The following CTNNA2 variants were observed in gnomAD, a reference collection of about 807,000 sequenced individuals.
CTNNA2 encodes catenin alpha-2.
CTNNA2 carries 42 observed loss-of-function variants against 101.0 expected under a neutral mutation model. The observed-to-expected ratio is 0.42, with a 90% CI of 0.32 to 0.54. The LOEUF is 0.54. CTNNA2 is among the 20% of genes least tolerant of loss of function. CTNNA2 has a pLI of 0.14. For missense variants in CTNNA2, 871 were observed against 1,223.1 expected (o/e 0.71, Z 4.29); for synonymous variants, 450 against 456.4 (o/e 0.99, Z 0.18).
chr2:80,561,909 C>G (rs1477507192), intron 12 of CTNNA2, among the ~76,000 whole-genome samples: 1 of 150,826 alleles, frequency 6.6e-6, no homozygotes, highest in East Asian at 2.0e-4. Flanking sequence ...CCCCTGACCT[C>G]AGGTAATCTG....
intron 12 of CTNNA2, among the ~76,000 whole-genome samples, chr2:80,570,515 A>G (rs1558599238): frequency 6.6e-6 from 1 of 152,166 alleles, no homozygotes; most frequent in Non-Finnish European, 1.5e-5. Context: ...TAGGGGTCAG[A>G]CCCAGAAAAA....
chr2:80,060,460 C>A (rs903640039), intron 7 of CTNNA2, among the ~76,000 whole-genome samples: 1 of 152,190 alleles, frequency 6.6e-6, no homozygotes, highest in African/African-American at 2.4e-5. Context: ...CCTTCTGGTG[C>A]AAACAGGGCA....
At chr2:79,784,786 G>A (rs1357479334) in intron 3 of CTNNA2, among the ~76,000 whole-genome samples, 1 of 151,104 alleles carries the variant, frequency 6.6e-6, no homozygotes, top group Admixed American at 6.6e-5. Flanking sequence ...ATAAAAACAT[G>A]GATGAATCTC....
intron 7 of CTNNA2, among the ~76,000 whole-genome samples, chr2:80,032,377 T>A (rs776695186): frequency 2.4e-4 from 36 of 152,188 alleles, no homozygotes; most frequent in Non-Finnish European, 4.7e-4. Context: ...ATACTGTTGA[T>A]GAGGTGGGAT....
chr2:80,104,588 T>C (rs1700764792), intron 7 of CTNNA2, among the ~76,000 whole-genome samples: 1 of 152,248 alleles, frequency 6.6e-6, no homozygotes, highest in South Asian at 2.1e-4. Context: ...CTGGGTCATT[T>C]ACCTTGAGTT....
intron 6 of CTNNA2, among the ~76,000 whole-genome samples, chr2:79,900,604 C>T (rs554592745): frequency 2.6e-5 from 4 of 152,122 alleles, no homozygotes; most frequent in Admixed American, 1.3e-4. Flanking sequence ...GCCCCCTCTT[C>T]GTTATGTGGA....
intron 1 of CTNNA2, among the ~76,000 whole-genome samples, chr2:79,619,192 T>A (rs1678838970): frequency 6.6e-6 from 1 of 152,114 alleles, no homozygotes; most frequent in Admixed American, 6.5e-5. Context: ...GGTGACAGAG[T>A]GAGACTCCGT....
chr2:80,647,957 C>CAGAGGCATACG lies in CTNNA2; in HGVS notation c.*87_*88insAGGCATACGAG. On this transcript the variant is annotated 3_prime_UTR_variant, in exon 19 of 19. Coordinates refer to ENST00000402739, the MANE Select transcript of CTNNA2 (RefSeq NM_001282597.3). ...ATTCCATTTTTGTATGCATACCTGC[C>CAGAGGCATACG]AGCTCGTATGCCTCTGGCATGGGGA... The CAGAGGCATACG allele has an allele frequency of 7.7e-7, 1 of 1,299,142 alleles. No individual in the cohort carries two copies. Among genetic ancestry groups the CAGAGGCATACG allele is most frequent in the Non-Finnish European group, 1.1e-6 (1 of 949,178 alleles). The allele number at this position is 1,299,142 out of a possible 1,614,324, so 80.5% of individuals were successfully genotyped here. A position where few individuals can be genotyped will look rare whatever the true frequency, so the allele number is the denominator to read the frequency against.
chr2:80,156,446 A>G (rs1289889536), intron 7 of CTNNA2, among the ~76,000 whole-genome samples: 1 of 152,180 alleles, frequency 6.6e-6, no homozygotes, highest in Non-Finnish European at 1.5e-5. Context: ...TTACAAATAC[A>G]AATTTGGATT....
chr2:79,486,777 T>A (rs1314397473), intron 4 of CTNNA2, among the ~76,000 whole-genome samples: 1 of 152,212 alleles, frequency 6.6e-6, no homozygotes, highest in Non-Finnish European at 1.5e-5. Flanking sequence ...CTAACTGGTG[T>A]GAGATGGTAT....
intron 1 of CTNNA2, chr2:79,548,143 A>G (rs1664567362): frequency 2.6e-5 from 4 of 152,204 alleles, no homozygotes. Flanking sequence ...TACGTTTATT[A>G]CTGTTACTGA....
intron 7 of CTNNA2, among the ~76,000 whole-genome samples, chr2:79,951,387 C>T (rs1275726461): frequency 1.3e-5 from 2 of 152,138 alleles, no homozygotes; most frequent in Non-Finnish European, 2.9e-5. Context: ...GTACACATTG[C>T]CAGGAGTGGT....
intron 13 of CTNNA2, chr2:80,575,278 T>C (rs1437249581): frequency 1.3e-5 from 2 of 152,190 alleles, no homozygotes; most frequent in Non-Finnish European, 2.9e-5. Context: ...AATATTCTAG[T>C]AAACACACTA....
intron 4 of CTNNA2, among the ~76,000 whole-genome samples, chr2:79,485,105 C>T (rs1478715752): frequency 1.3e-5 from 2 of 152,026 alleles, no homozygotes; most frequent in East Asian, 3.9e-4. Flanking sequence ...TAGAAACAGA[C>T]CAAATGGTTA....
chr2:80,041,365 C>T (rs371211542), intron 7 of CTNNA2, among the ~76,000 whole-genome samples: 7 of 151,448 alleles, frequency 4.6e-5, no homozygotes, highest in East Asian at 1.9e-4. Flanking sequence ...CTATTCTTAA[C>T]GTGTTTAAGA....
intron 3 of CTNNA2, among the ~76,000 whole-genome samples, chr2:79,373,506 T>C (rs1677919236): frequency 6.6e-6 from 1 of 152,078 alleles, no homozygotes; most frequent in South Asian, 2.1e-4. Flanking sequence ...GATGCCATCA[T>C]TATCAGCTTG....
chr2:79,686,866 G>T (rs149011420), intron 2 of CTNNA2, among the ~76,000 whole-genome samples: 2,383 of 151,850 alleles, frequency 0.016, 53 homozygotes, highest in African/African-American at 0.046. Flanking sequence ...GAGATAATTA[G>T]AACTTATGAA....
chr2:80,363,771 G>A (rs996682356), intron 7 of CTNNA2, among the ~76,000 whole-genome samples: 1 of 152,094 alleles, frequency 6.6e-6, no homozygotes, highest in Non-Finnish European at 1.5e-5. Context: ...TAAAACCCCT[G>A]CTATAAATCT....
intron 4 of CTNNA2, among the ~76,000 whole-genome samples, chr2:79,460,891 G>T (rs1358561904): frequency 6.6e-6 from 1 of 151,914 alleles, no homozygotes; most frequent in Non-Finnish European, 1.5e-5. Flanking sequence ...ACCCAGGCTG[G>T]AGTGCAGTGG....
Sources: allele counts gnomAD v4.1 joint callset (sites outside exome capture counted in the v4.1 genomes callset), GRCh38; gene constraint gnomAD v4.1.1; transcripts MANE v1.5; gene names NCBI Gene and HGNC (gene_info 2026-07-23, HGNC 2026-07-21).